The following NID2 variants were observed in gnomAD, a reference collection of about 807,000 sequenced individuals.
NID2 encodes nidogen 2, also known as nidogen-2.
A neutral mutation model predicts 145.4 loss-of-function variants in NID2; 83 were observed. That is an observed-to-expected ratio of 0.57 (90% confidence interval 0.48 to 0.69). The LOEUF (loss-of-function observed/expected upper bound fraction) is 0.69. Among genes scored for constraint, NID2 ranks in the 30% least tolerant of loss-of-function variants. The probability of loss-of-function intolerance (pLI) is 0.00; values close to 1 mark genes in which losing one functional copy is unlikely to be tolerated. For synonymous variants in NID2, 739 were observed against 701.3 expected (o/e 1.05, Z -0.85); for missense variants, 1,807 against 1,765.7 (o/e 1.02, Z -0.42).
intron 15 of NID2, 115 bp from the exon 16 acceptor site, chr14:52,014,571 C>T: frequency 9.3e-7 from 1 of 1,070,288 alleles, no homozygotes; most frequent in Non-Finnish European, 1.3e-6. Flanking sequence ...GTTCTTCGCC[C>T]TACGCAGATG....
chr14:52,029,680 G>A lies in NID2; in HGVS notation c.2268C>T (p.Asp756=). 1 of 1,613,682 alleles carries A rather than the reference G, an allele frequency of 6.2e-7. No homozygotes were observed. ...NQIGPVKEDS[D]PTPGNPCYDG... ...CATAGCAAGGATTCCCCGGAGTGGG[G>A]TCTGAATCCTCTGCATGAGTAGAGG... The change falls in exon 10 of 22, where the codon GAC becomes GAT. Residue 756 remains aspartate (D), a synonymous_variant. Coordinates refer to ENST00000216286, the MANE Select transcript of NID2 (RefSeq NM_007361.4).
chr14:52,043,039 C>G (rs1301344542), intron 5 of NID2, 108 bp from the exon 6 acceptor site: 1 of 1,075,800 alleles, frequency 9.3e-7, no homozygotes, highest in South Asian at 1.5e-5. Context: ...TCATAACAAA[C>G]AGTTTTTGAT....
intron 16 of NID2, among the ~76,000 whole-genome samples, chr14:52,012,402 G>A (rs1267814574): frequency 3.3e-5 from 5 of 152,158 alleles, no homozygotes; most frequent in Admixed American, 6.5e-5. Context: ...CCAGGAGTTC[G>A]AGACTGAGCA....
At position 52,019,946 on chromosome 14, in the gene NID2, G is replaced by A; in HGVS notation, c.2794+113C>T. The A allele has an allele frequency of 1.4e-6, 2 of 1,422,944 alleles. 1 individual carries two copies. The highest frequency in any genetic ancestry group is 2.8e-5 in the South Asian group (2 of 72,606). The allele number at this position is 1,422,944 out of a possible 1,614,324, so 88.1% of individuals were successfully genotyped here. A position where few individuals can be genotyped will look rare whatever the true frequency, so the allele number is the denominator to read the frequency against. ...AACCAAGGAAAAAAATCCACAGCTT[G>A]GAAAATCCACCAAGGCTCCAGACCA... On this transcript the variant is annotated intron_variant, in intron 13 of 21. Coordinates refer to ENST00000216286, the MANE Select transcript of NID2 (RefSeq NM_007361.4).
At chr14:52,019,961 G>C in intron 13 of NID2, 98 bp downstream of exon 13, 4 of 1,484,800 alleles carry the variant, frequency 2.7e-6, no homozygotes, top group Middle Eastern at 2.0e-4. Flanking sequence ...ATCCACCAAG[G>C]CTCCAGACCA....
chr14:52,043,012 CA>C, intron 5 of NID2, 81 bp from the exon 6 acceptor site: 1 of 1,365,256 alleles, frequency 7.3e-7, no homozygotes, highest in Non-Finnish European at 1.0e-6. Flanking sequence ...ACATCTGCTC[CA>C]TAGAAGCAGT....
At position 52,045,179 on chromosome 14, in the gene NID2, T is replaced by C. The variant is rs77467977; in HGVS notation, c.1430-2248A>G. Among the ~76,000 whole-genome samples the C allele has an allele frequency of 9.2e-3, 1,394 of 152,184 alleles. 25 individuals are homozygous for C. Among genetic ancestry groups the C allele is most frequent in the African/African-American group, 0.031 (1,291 of 41,496 alleles). On this transcript the variant is annotated intron_variant, in intron 5 of 21. Coordinates refer to ENST00000216286, the MANE Select transcript of NID2 (RefSeq NM_007361.4). The stretch of plus-strand genomic sequence containing the variant: ...ATAATTCGAGTCATACTTTATAAAC[T>C]GGGTTTAATGGTAGAAGCAAGCAGG...
intron 5 of NID2, among the ~76,000 whole-genome samples, chr14:52,046,837 A>G (rs1892514967): frequency 6.6e-6 from 1 of 152,192 alleles, no homozygotes; most frequent in Non-Finnish European, 1.5e-5. Context: ...TGAGCCAAGA[A>G]CACACACTGT....
chr14:52,035,856 G>GTGTATATATATATATATATATA (rs763855059), intron 9 of NID2, among the ~76,000 whole-genome samples: 7 of 65,280 alleles, frequency 1.1e-4, no homozygotes, highest in African/African-American at 2.8e-4. Context: ...ATTTTTTTGT[G>GTGTATATATATATATATATATA]TATATATATA....
At chr14:52,044,877 G>A (rs1170261163) in intron 5 of NID2, among the ~76,000 whole-genome samples, 3 of 152,036 alleles carry the variant, frequency 2.0e-5, no homozygotes, top group African/African-American at 7.3e-5. Context: ...TCCCACCTAG[G>A]CCTCCCAAAA....
Position 52,069,008 on chromosome 14 carries a change from T to C in NID2, c.-14A>G. 6.3e-7 allele frequency: 1 copy of C among 1,591,988 alleles called. No homozygotes were observed. The highest frequency in any genetic ancestry group is 8.6e-7 in the Non-Finnish European group (1 of 1,165,856). On this transcript the variant is annotated 5_prime_UTR_variant, in exon 1 of 22. Transcript: ENST00000216286. ...GTCCCCCTCCATGCTCGCTCGGCCG[T>C]GCGCTTACCCGCTGCACAACGCGTC...
intron 9 of NID2, among the ~76,000 whole-genome samples, chr14:52,032,745 G>T (rs189165270): frequency 6.8e-6 from 1 of 148,116 alleles, no homozygotes; most frequent in African/African-American, 2.5e-5. Flanking sequence ...GCACATTCCA[G>T]CAAAGATTAG....
intron 14 of NID2, among the ~76,000 whole-genome samples, chr14:52,016,177 C>G (rs967584027): frequency 1.3e-5 from 2 of 152,126 alleles, no homozygotes; most frequent in Admixed American, 6.5e-5. Flanking sequence ...AGGCTTTGTC[C>G]AAAATACAGG....
At chr14:52,033,465 G>C (rs781330516) in intron 9 of NID2, among the ~76,000 whole-genome samples, 4 of 152,268 alleles carry the variant, frequency 2.6e-5, no homozygotes, top group East Asian at 3.9e-4. Flanking sequence ...CAACTGGTGG[G>C]GGGTGGCACT....
At chr14:52,030,590 GAAAGAAAGAAAGAAAGAGAAAGAA>G (rs1891810460) in intron 9 of NID2, among the ~76,000 whole-genome samples, 1 of 30,854 alleles carries the variant, frequency 3.2e-5, no homozygotes, top group African/African-American at 8.0e-5. Context: ...AAGAAAGAAA[GAAAGAAAGAAAGAAAGAGAAAGAA>G]AAAGAAAGAA....
At chr14:52,029,425 T>TAA (rs1891716059) in intron 10 of NID2, 122 bp downstream of exon 10, 1 of 920,734 alleles carries the variant, frequency 1.1e-6, no homozygotes, top group East Asian at 2.4e-5. Context: ...TAACAGCTGC[T>TAA]AAAATCATTG....
At chr14:52,054,812 T>G (rs1365134901) in intron 3 of NID2, among the ~76,000 whole-genome samples, 1 of 152,272 alleles carries the variant, frequency 6.6e-6, no homozygotes, top group Non-Finnish European at 1.5e-5. Context: ...GGGATCATAC[T>G]GGACTTTTGA....
intron 11 of NID2, 52 bp downstream of exon 11, chr14:52,028,661 TTAAAGAGCA>T (rs1416538923): frequency 5.1e-6 from 8 of 1,573,206 alleles, no homozygotes; most frequent in Admixed American, 1.8e-5. Context: ...CACTGACAGA[TTAAAGAGCA>T]AGATTAAAGA....
Position 52,054,256 on chromosome 14 carries a change from T to C in NID2, c.833A>G (p.Asn278Ser). The change falls in exon 4 of 22, where the codon AAT (asparagine) becomes AGT (serine). Residue 278 changes from asparagine (N) to serine (S), a missense_variant. By Grantham distance (46) the Asn-to-Ser change is conservative. Transcript: ENST00000216286. ...FHIGSTSPLD[N>S]VRPAAVGDLS... ...GTCTCCAACTGCAGCTGGCCTGACA[T>C]TGTCCAACGGGGAAGTGCTGCCGAT... 1 of 1,614,124 alleles carries C rather than the reference T, an allele frequency of 6.2e-7. No homozygotes were observed. The highest frequency in any genetic ancestry group is 8.5e-7 in the Non-Finnish European group (1 of 1,180,016).
Sources: allele counts gnomAD v4.1 joint callset (sites outside exome capture counted in the v4.1 genomes callset), GRCh38; gene constraint gnomAD v4.1.1; transcripts MANE v1.5; gene names NCBI Gene and HGNC (gene_info 2026-07-23, HGNC 2026-07-21).